The following STAT4 variants were observed in gnomAD, a reference collection of about 807,000 sequenced individuals.
The protein encoded by STAT4 is signal transducer and activator of transcription 4.
A neutral mutation model predicts 110.5 loss-of-function variants in STAT4; 42 were observed. The ratio of observed to expected loss-of-function variants is 0.38; its 90% CI spans 0.30 to 0.49. The LOEUF is 0.49. Ranked by LOEUF, STAT4 falls within the 20% of genes least tolerant of loss-of-function variation. STAT4 has a pLI of 0.95. For synonymous variants in STAT4, 284 were observed against 302.2 expected (o/e 0.94, Z 0.63); for missense variants, 632 against 887.9 (o/e 0.71, Z 3.66).
intron 3 of STAT4, among the ~76,000 whole-genome samples, chr2:191,081,316 C>T (rs986739110): frequency 6.6e-6 from 1 of 152,124 alleles, no homozygotes; most frequent in African/African-American, 2.4e-5. Context: ...GTGCATGTGT[C>T]TTTATAGTAG....
rs1699558059 is a variant in STAT4 at position 191,150,151 on chromosome 2, AAAAAAT to A, written c.-2+790_-2+795del. On this transcript the variant is annotated intron_variant, in intron 1 of 23. Coordinates refer to ENST00000392320, the MANE Select transcript of STAT4 (RefSeq NM_003151.4). This position sits in a 1 kb window ranked among gnomAD's most constrained non-coding sequence, Gnocchi z 6.4. ...CAAATGAAAATAAAAGGAAAATTAAAAAAAATAAAAATAAACACCGAAAAAAATCAC... is the reference window on the plus strand; with the variant it reads ...CAAATGAAAATAAAAGGAAAATTAAAAAAAATAAACACCGAAAAAAATCAC... Among the ~76,000 whole-genome samples, 1 of 152,216 alleles carries A rather than the reference AAAAAAT, an allele frequency of 6.6e-6. No homozygotes were observed. The highest frequency in any genetic ancestry group is 2.4e-5 in the African/African-American group (1 of 41,456).
intron 3 of STAT4, among the ~76,000 whole-genome samples, chr2:191,084,884 A>T (rs1697592635): frequency 6.6e-6 from 1 of 151,962 alleles, no homozygotes; most frequent in African/African-American, 2.4e-5. Context: ...TGAAAATCTT[A>T]CCTTATGGCT....
chr2:191,120,987 C>A (rs1246560895), intron 3 of STAT4, among the ~76,000 whole-genome samples: 1 of 152,166 alleles, frequency 6.6e-6, no homozygotes. Flanking sequence ...AACAGGCAAC[C>A]TACAGAGTGG....
chr2:191,062,687 C>A lies in STAT4; in HGVS notation c.941+75G>T. 1 of 1,551,968 alleles carries A rather than the reference C, an allele frequency of 6.4e-7. No individual in the cohort carries two copies. Among genetic ancestry groups the A allele is most frequent in the South Asian group, 1.1e-5 (1 of 87,044 alleles). On this transcript the variant is annotated intron_variant, in intron 9 of 23. Transcript: ENST00000392320. The surrounding 1 kb of genome is among the most constrained non-coding windows in gnomAD (Gnocchi z 4.9). ...TGAATACTTCCCTGCCACTCTTCCA[C>A]CTAAACACCAAAACCTTAGGAAGGG... is the stretch of plus-strand genomic sequence containing the variant.
chr2:191,149,508 T>C (rs547170129), intron 1 of STAT4, among the ~76,000 whole-genome samples: 2 of 152,352 alleles, frequency 1.3e-5, no homozygotes, highest in East Asian at 3.9e-4. Flanking sequence ...AAATGAAGAA[T>C]GAGTGGCACT....
intron 4 of STAT4, 149 bp downstream of exon 4, chr2:191,076,078 T>C: frequency 1.6e-6 from 1 of 629,280 alleles, no homozygotes. Flanking sequence ...GGTCTCAAAC[T>C]CTTGGCTTCA....
chr2:191,119,711 A>G (rs1470196065), intron 3 of STAT4, among the ~76,000 whole-genome samples: 1 of 152,210 alleles, frequency 6.6e-6, no homozygotes, highest in Non-Finnish European at 1.5e-5. Context: ...AGGATCAAGA[A>G]AAATCGAGGC....
chr2:191,148,145 T>G lies in STAT4; in HGVS notation c.59A>C (p.Gln20Pro). Residue 20 changes from glutamine (Q) to proline (P), a missense_variant, in exon 2 of 24, where the codon CAA becomes CCA. Gln to Pro is a moderately conservative substitution (Grantham distance 76, BLOSUM62 -1). Coordinates refer to ENST00000392320, the MANE Select transcript of STAT4 (RefSeq NM_003151.4). ...CATGGGAAAGTTGTCATCATAGAAT[T>G]GATCCACCTGCTCCAAAAACTTGAT... ...LEIKFLEQVDQFYDDNFPMEI... is the reference protein window; with the variant it reads ...LEIKFLEQVDPFYDDNFPMEI... 6.2e-7 allele frequency: 1 copy of G among 1,613,970 alleles called. No individual in the cohort carries two copies.
Position 191,032,846 on chromosome 2 carries a change from T to A in STAT4, c.2044+112A>T. 1 of 1,149,646 alleles carries A rather than the reference T, an allele frequency of 8.7e-7. No individual in the cohort carries two copies. Among genetic ancestry groups the A allele is most frequent in the Non-Finnish European group, 1.2e-6 (1 of 817,256 alleles). 71.2% of individuals were successfully genotyped at this position (1,149,646 alleles called of 1,614,324 possible). A position where few individuals can be genotyped will look rare whatever the true frequency, so the allele number is the denominator to read the frequency against. Reference sequence around the variant, plus strand: ...TTTGACCTCCACATGCCCTTAGATCTTACAGAAATCAGAGTAAACAAGAAG... The same window carrying A: ...TTTGACCTCCACATGCCCTTAGATCATACAGAAATCAGAGTAAACAAGAAG... On this transcript the variant is annotated intron_variant, in intron 21 of 23. Coordinates refer to ENST00000392320, the MANE Select transcript of STAT4 (RefSeq NM_003151.4). This position sits in a 1 kb window ranked among gnomAD's most constrained non-coding sequence, Gnocchi z 4.9.
At chr2:191,126,617 T>C (rs2125404980) in intron 3 of STAT4, among the ~76,000 whole-genome samples, 1 of 152,314 alleles carries the variant, frequency 6.6e-6, no homozygotes, top group South Asian at 2.1e-4. Flanking sequence ...TTTTTTTTCC[T>C]GGCCACAGAC....
chr2:191,120,549 T>G (rs990793760), intron 3 of STAT4, among the ~76,000 whole-genome samples: 1 of 152,054 alleles, frequency 6.6e-6, no homozygotes, highest in Non-Finnish European at 1.5e-5. Context: ...ATTCAAGAGG[T>G]ACTTTAAAAA....
intron 7 of STAT4, 22 bp from the exon 8 acceptor site, chr2:191,064,980 G>T (rs1190940213): frequency 2.0e-6 from 3 of 1,523,386 alleles, no homozygotes; most frequent in Non-Finnish European, 2.6e-6. Context: ...GGGGACTACT[G>T]AAGAGAGTTT....
In STAT4 at chr2:191,054,578, C is replaced by T. The variant is rs1696622139; in HGVS notation, c.1207-44G>A. 2.5e-6 allele frequency: 4 copies of T among 1,573,478 alleles called. No individual in the cohort carries two copies. In the Admixed American group the frequency reaches 5.2e-5, roughly 21 times the overall value. On this transcript the variant is annotated intron_variant, in intron 13 of 23. Transcript: ENST00000392320. ...CAATATTTAGATGGAAAAGCATTATCAGCTACATATTAAGTTGGTCGTACC... is the reference window on the plus strand; with the variant it reads ...CAATATTTAGATGGAAAAGCATTATTAGCTACATATTAAGTTGGTCGTACC...
In STAT4 at chr2:191,148,130, T is replaced by C. The variant is rs1184514035; in HGVS notation, c.74A>G (p.Asn25Ser). ...CAGATGCCGAATTTCCATGGGAAAG[T>C]TGTCATCATAGAATTGATCCACCTG... is the stretch of plus-strand genomic sequence containing the variant. ...LEQVDQFYDDNFPMEIRHLLA... is the reference protein window; with the variant it reads ...LEQVDQFYDDSFPMEIRHLLA... The change falls in exon 2 of 24, where the codon AAC becomes AGC. Residue 25 changes from asparagine to serine, a missense_variant. Transcript: ENST00000392320. 6.2e-7 allele frequency: 1 copy of C among 1,614,020 alleles called. No homozygotes were observed. The highest frequency in any genetic ancestry group is 8.5e-7 in the Non-Finnish European group (1 of 1,179,888).
chr2:191,137,707 A>G (rs1699216123), intron 3 of STAT4, among the ~76,000 whole-genome samples: 1 of 152,218 alleles, frequency 6.6e-6, no homozygotes, highest in Non-Finnish European at 1.5e-5. Flanking sequence ...ACCCAGAAAT[A>G]AATCCACATA....
rs1256222942 is a variant in STAT4, at chr2:191,077,264, G to A, written c.274-939C>T. Among the ~76,000 whole-genome samples, 1 of 152,084 alleles carries A rather than the reference G, an allele frequency of 6.6e-6. No individual in the cohort carries two copies. Among genetic ancestry groups the A allele is most frequent in the East Asian group, 1.9e-4 (1 of 5,194 alleles). ...TTTGGAGAAAGTATGTACTACCCAGGGTTGACACAGTGCCTACCAGTGAGT... is the reference window on the plus strand; with the variant it reads ...TTTGGAGAAAGTATGTACTACCCAGAGTTGACACAGTGCCTACCAGTGAGT... On this transcript the variant is annotated intron_variant, in intron 3 of 23. Coordinates refer to ENST00000392320, the MANE Select transcript of STAT4 (RefSeq NM_003151.4). The surrounding 1 kb of genome is among the most constrained non-coding windows in gnomAD (Gnocchi z 4.1).
At chr2:191,073,532 A>G (rs1697225029) in intron 4 of STAT4, among the ~76,000 whole-genome samples, 1 of 151,488 alleles carries the variant, frequency 6.6e-6, no homozygotes, top group Non-Finnish European at 1.5e-5. Context: ...ACTAAAATAC[A>G]AAAAAAAATT....
intron 3 of STAT4, among the ~76,000 whole-genome samples, chr2:191,095,783 T>C (rs768305959): frequency 6.6e-6 from 1 of 152,084 alleles, no homozygotes; most frequent in East Asian, 1.9e-4. Flanking sequence ...CTGAAAGAGA[T>C]AGAGACACAC....
chr2:191,111,162 C>T (rs961845487), intron 3 of STAT4, among the ~76,000 whole-genome samples: 1 of 152,166 alleles, frequency 6.6e-6, no homozygotes, highest in Non-Finnish European at 1.5e-5. Flanking sequence ...TATATGCATG[C>T]ATGCAAGAGT....
Sources: allele counts gnomAD v4.1 joint callset (sites outside exome capture counted in the v4.1 genomes callset), GRCh38; gene constraint gnomAD v4.1.1; non-coding constraint Gnocchi (gnomAD v3.1); transcripts MANE v1.5; gene names NCBI Gene and HGNC (gene_info 2026-07-23, HGNC 2026-07-21).